The following TANC2 variants were observed in gnomAD, a reference collection of about 807,000 sequenced individuals.
TANC2 encodes protein TANC2.
In TANC2, 26 loss-of-function variants were observed where a neutral mutation model predicts 210.5. The ratio of observed to expected loss-of-function variants is 0.12; its 90% CI spans 0.09 to 0.17. TANC2 has a LOEUF of 0.17. Among genes scored for constraint, TANC2 ranks in the 10% least tolerant of loss-of-function variants. TANC2 has a pLI of 1.00. For missense variants in TANC2, 2,129 were observed against 2,608.9 expected (o/e 0.82, Z 4.01); for synonymous variants, 931 against 967.1 (o/e 0.96, Z 0.69).
At chr17:63,143,130 A>G (rs1336357418) in intron 4 of TANC2, among the ~76,000 whole-genome samples, 1 of 152,238 alleles carries the variant, frequency 6.6e-6, no homozygotes, top group African/African-American at 2.4e-5. Context: ...TGGTTTACAA[A>G]TAGTTATTGC....
At chr17:63,307,007 G>A (rs1215116135) in intron 9 of TANC2, among the ~76,000 whole-genome samples, 1 of 152,128 alleles carries the variant, frequency 6.6e-6, no homozygotes, top group Non-Finnish European at 1.5e-5. Context: ...GGGAAGCCCC[G>A]CTAACATAGT....
At chr17:63,385,781 T>C (rs560515724) in intron 15 of TANC2, among the ~76,000 whole-genome samples, 1 of 152,256 alleles carries the variant, frequency 6.6e-6, no homozygotes, top group Middle Eastern at 3.4e-3. Context: ...TATGTAGAAA[T>C]TAGGTAGCCA....
intron 11 of TANC2, among the ~76,000 whole-genome samples, chr17:63,329,256 C>T (rs990878463): frequency 6.6e-6 from 1 of 151,308 alleles, no homozygotes; most frequent in African/African-American, 2.4e-5. Flanking sequence ...GAGTTAATAT[C>T]TCTTATATTT....
chr17:63,398,720 G>A, intron 18 of TANC2, 101 bp from the exon 19 acceptor site: 2 of 696,418 alleles, frequency 2.9e-6, no homozygotes, highest in Non-Finnish European at 4.8e-6. Context: ...AAGAGATTTA[G>A]TGATACTTGG....
chr17:63,079,226 C>T (rs1028214857), intron 3 of TANC2, among the ~76,000 whole-genome samples: 19 of 152,308 alleles, frequency 1.2e-4, no homozygotes, highest in Admixed American at 5.2e-4. Flanking sequence ...TCCATTCCCA[C>T]TTTCTAACCA....
At chr17:63,093,287 T>G (rs2037271521) in intron 3 of TANC2, among the ~76,000 whole-genome samples, 1 of 152,094 alleles carries the variant, frequency 6.6e-6, no homozygotes, top group African/African-American at 2.4e-5. Flanking sequence ...TTCTCTTTGA[T>G]GTTTTCATGA....
At chr17:62,967,198 A>G (rs2031396654) in intron 1 of TANC2, 1 of 152,210 alleles carries the variant, frequency 6.6e-6, no homozygotes, top group South Asian at 2.1e-4. Flanking sequence ...GATATTAATA[A>G]TTCCTCTGGG....
At chr17:63,384,826 T>C (rs1467551617) in intron 15 of TANC2, among the ~76,000 whole-genome samples, 3 of 152,118 alleles carry the variant, frequency 2.0e-5, no homozygotes, top group African/African-American at 7.2e-5. Flanking sequence ...GGATGGAAAA[T>C]GGTTTGGAAT....
chr17:63,145,658 G>T (rs1191246122), intron 4 of TANC2, among the ~76,000 whole-genome samples: 1 of 152,032 alleles, frequency 6.6e-6, no homozygotes, highest in Non-Finnish European at 1.5e-5. Context: ...TTGTTGAAAA[G>T]ACTGTCCTTT....
At chr17:63,224,536 T>C (rs2042280254) in intron 7 of TANC2, among the ~76,000 whole-genome samples, 1 of 152,166 alleles carries the variant, frequency 6.6e-6, no homozygotes. Context: ...ACCACACCCG[T>C]CCCAGCCTTG....
intron 5 of TANC2, chr17:63,154,667 C>T (rs984508371): frequency 6.6e-6 from 1 of 152,020 alleles, no homozygotes; most frequent in African/African-American, 2.4e-5. Context: ...AGTCAGTGCT[C>T]ATAATTGTTA....
exon 28 of TANC2, chr17:63,426,302 A>G (rs1265245492): frequency 6.6e-6 from 1 of 152,416 alleles, no homozygotes; most frequent in East Asian, 1.9e-4. Context: ...GGCAAGAGCT[A>G]CCTGCAAAGA....
chr17:62,971,131 T>C (rs2031669235), intron 1 of TANC2, among the ~76,000 whole-genome samples: 1 of 152,192 alleles, frequency 6.6e-6, no homozygotes, highest in Non-Finnish European at 1.5e-5. Context: ...GAATAGCGTC[T>C]TTTGTAGTAA....
chr17:63,055,752 TAAAC>T (rs10607604), intron 2 of TANC2, among the ~76,000 whole-genome samples: 3,143 of 151,038 alleles, frequency 0.021, 99 homozygotes, highest in African/African-American at 0.071. Context: ...GGAATAGTGT[TAAAC>T]AAGCAAAAAC....
Position 63,418,480 on chromosome 17 carries a change from C to T in TANC2, c.4268+73C>T. 1 of 1,361,836 alleles carries T rather than the reference C, an allele frequency of 7.3e-7. No individual in the cohort carries two copies. The highest frequency in any genetic ancestry group is 1.0e-6 in the Non-Finnish European group (1 of 982,518). 84.4% of individuals were successfully genotyped at this position (1,361,836 alleles called of 1,614,324 possible). On this transcript the variant is annotated intron_variant, in intron 27 of 27. Transcript: ENST00000689528. The surrounding 1 kb of genome is among the most constrained non-coding windows in gnomAD (Gnocchi z 4.6). ...ATTTGGCCAAGGCAGCGTCGGCCAC[C>T]CTGGGGCATATGTACCCAAATACAT... is the stretch of plus-strand genomic sequence containing the variant.
chr17:63,333,944 A>C (rs1428748965), intron 11 of TANC2: 1 of 152,250 alleles, frequency 6.6e-6, no homozygotes, highest in Non-Finnish European at 1.5e-5. Context: ...TTTAGACATA[A>C]TGCTATTGCA....
intron 2 of TANC2, among the ~76,000 whole-genome samples, chr17:63,014,289 A>G (rs1430453756): frequency 6.6e-6 from 1 of 152,142 alleles, no homozygotes; most frequent in Non-Finnish European, 1.5e-5. Flanking sequence ...CTGACATAGT[A>G]TCCTTTAGTT....
At chr17:63,048,847 G>A (rs1012157397) in intron 2 of TANC2, among the ~76,000 whole-genome samples, 3 of 152,094 alleles carry the variant, frequency 2.0e-5, no homozygotes, top group Non-Finnish European at 4.4e-5. Context: ...TAACTATTGA[G>A]TACTAGCCTT....
intron 11 of TANC2, among the ~76,000 whole-genome samples, chr17:63,321,324 C>T (rs1277043373): frequency 6.6e-6 from 1 of 151,926 alleles, no homozygotes; most frequent in Non-Finnish European, 1.5e-5. Context: ...CATTACTTTC[C>T]AATCCTTTTA....
Sources: allele counts gnomAD v4.1 joint callset (sites outside exome capture counted in the v4.1 genomes callset), GRCh38; gene constraint gnomAD v4.1.1; non-coding constraint Gnocchi (gnomAD v3.1); transcripts MANE v1.5; gene names NCBI Gene and HGNC (gene_info 2026-07-23, HGNC 2026-07-21).